The following WWP2 variants were observed in gnomAD, a reference collection of about 807,000 sequenced individuals.
WWP2 encodes NEDD4-like E3 ubiquitin-protein ligase WWP2.
Under a neutral mutation model 121.0 loss-of-function variants are expected in WWP2, and 57 were observed. That is an observed-to-expected ratio of 0.47 (90% CI 0.38 to 0.59). WWP2 has a LOEUF of 0.59. Ranked by LOEUF, WWP2 falls within the 20% of genes least tolerant of loss-of-function variation. The probability of loss-of-function intolerance (pLI) is 0.00; values close to 1 mark genes in which losing one functional copy is unlikely to be tolerated. For synonymous variants in WWP2, 449 were observed against 441.3 expected (o/e 1.02, Z -0.22); for missense variants, 962 against 1,158.9 (o/e 0.83, Z 2.47).
chr16:69,913,211 A>G (rs1222883599), intron 9 of WWP2, among the ~76,000 whole-genome samples: 2 of 124,846 alleles, frequency 1.6e-5, no homozygotes, highest in African/African-American at 3.1e-5. Context: ...TTTTTTTTTT[A>G]AAGTAGAGAT....
At position 69,791,458 on chromosome 16, in the gene WWP2, C is replaced by T. The variant is rs1043193326; in HGVS notation, c.70+4378C>T. ...GGTCAGGCTGGTCTCAAACTCCTGA[C>T]CTCAGGTGATCCACCCACCTCGGCC... On this transcript the variant is annotated intron_variant, in intron 2 of 23. Transcript: ENST00000359154. Among the ~76,000 whole-genome samples the T allele has an allele frequency of 6.6e-5, 10 of 152,246 alleles. 1 individual carries two copies. In the South Asian group the frequency reaches 2.1e-3, roughly 32 times the overall value.
At chr16:69,889,117 C>T (rs1597114564) in intron 8 of WWP2, among the ~76,000 whole-genome samples, 1 of 151,846 alleles carries the variant, frequency 6.6e-6, no homozygotes, top group East Asian at 1.9e-4. Context: ...AGTTTGAGAC[C>T]AGCCTGGGCA....
intron 8 of WWP2, among the ~76,000 whole-genome samples, chr16:69,902,098 G>C (rs1282174093): frequency 6.6e-6 from 1 of 152,224 alleles, no homozygotes. Flanking sequence ...ATGGTGATCA[G>C]AATGGTTGAA....
chr16:69,910,680 A>G (rs1310288468), intron 9 of WWP2, among the ~76,000 whole-genome samples: 2 of 152,180 alleles, frequency 1.3e-5, no homozygotes, highest in Non-Finnish European at 2.9e-5. Context: ...AAGTGCTGGG[A>G]TTACAGATGT....
chr16:69,867,313 T>C (rs901230410), intron 6 of WWP2, among the ~76,000 whole-genome samples: 8 of 152,206 alleles, frequency 5.3e-5, no homozygotes, highest in Admixed American at 4.6e-4. Context: ...CATTGTGTGC[T>C]ATGATAGAAA....
At chr16:69,787,652 G>A (rs997935081) in intron 2 of WWP2, among the ~76,000 whole-genome samples, 3 of 152,280 alleles carry the variant, frequency 2.0e-5, no homozygotes, top group Middle Eastern at 3.4e-3. Context: ...CCTAGGGCTC[G>A]TTGCTACCTG....
rs752721464 is a variant in WWP2 at position 69,937,106 on chromosome 16, C to G, written c.2118-12C>G. The G allele has an allele frequency of 3.1e-6, 5 of 1,613,664 alleles. No homozygotes were observed. The highest frequency in any genetic ancestry group is 4.2e-6 in the Non-Finnish European group (5 of 1,179,808). Reference sequence around the variant, plus strand: ...GTCTCAGACTCCACCCATGGCTGCTCTTTGGTCTCAGGCTGCTGACTGACT... The same window carrying G: ...GTCTCAGACTCCACCCATGGCTGCTGTTTGGTCTCAGGCTGCTGACTGACT... On this transcript the variant is annotated splice_polypyrimidine_tract_variant and intron_variant, in intron 19 of 23. Coordinates refer to ENST00000359154, the MANE Select transcript of WWP2 (RefSeq NM_001270454.2). The surrounding 1 kb of genome is among the most constrained non-coding windows in gnomAD (Gnocchi z 6.6).
chr16:69,880,365 G>T (rs547299550), intron 7 of WWP2, among the ~76,000 whole-genome samples: 54 of 151,880 alleles, frequency 3.6e-4, no homozygotes, highest in African/African-American at 1.3e-3. Context: ...TTTTATTACT[G>T]ATGTGTTATC....
In WWP2 at chr16:69,940,582, G is replaced by T. The variant is rs2058867182; in HGVS notation, c.*642G>T. 1 of 152,470 alleles carries T rather than the reference G, an allele frequency of 6.6e-6. No homozygotes were observed. Among genetic ancestry groups the T allele is most frequent in the Admixed American group, 6.5e-5 (1 of 15,314 alleles). 9.4% of individuals were successfully genotyped at this position (152,470 alleles called of 1,614,324 possible). A position where few individuals can be genotyped will look rare whatever the true frequency, so the allele number is the denominator to read the frequency against. On this transcript the variant is annotated 3_prime_UTR_variant, in exon 24 of 24. Transcript: ENST00000359154. ...GTCTAAGCTGCCTGGGTATCCACGG[G>T]ACAAAAACAGCAAACTCCCTCAGAC...
At chr16:69,796,605 C>T (rs1436743754) in intron 2 of WWP2, among the ~76,000 whole-genome samples, 1 of 152,222 alleles carries the variant, frequency 6.6e-6, no homozygotes, top group African/African-American at 2.4e-5. Flanking sequence ...CGCTTTCGCA[C>T]CCCTGTAAAG....
intron 7 of WWP2, among the ~76,000 whole-genome samples, chr16:69,878,566 T>C (rs1210242716): frequency 6.6e-6 from 1 of 152,198 alleles, no homozygotes; most frequent in Non-Finnish European, 1.5e-5. Flanking sequence ...CTCATTTTGT[T>C]GCCCAGGCCG....
At chr16:69,868,445 G>A (rs1415686078) in intron 6 of WWP2, among the ~76,000 whole-genome samples, 1 of 152,150 alleles carries the variant, frequency 6.6e-6, no homozygotes, top group Non-Finnish European at 1.5e-5. Context: ...CAGGGAACCC[G>A]GGGCTGGAGT....
chr16:69,816,759 A>C (rs557404818), intron 4 of WWP2, among the ~76,000 whole-genome samples: 1 of 152,144 alleles, frequency 6.6e-6, no homozygotes, highest in Non-Finnish European at 1.5e-5. Context: ...ACACGTATAC[A>C]TATACACATA....
chr16:69,787,870 A>C (rs1237563999), intron 2 of WWP2: 1 of 152,334 alleles, frequency 6.6e-6, no homozygotes, highest in Non-Finnish European at 1.5e-5. Flanking sequence ...TCAACCCATC[A>C]GCGTATCTGG....
intron 4 of WWP2, among the ~76,000 whole-genome samples, chr16:69,828,610 C>T (rs936531829): frequency 3.3e-5 from 5 of 152,162 alleles, no homozygotes; most frequent in African/African-American, 1.2e-4. Context: ...GGTGATCCGC[C>T]TGCCTTGGCC....
chr16:69,814,838 A>G (rs940966732), intron 4 of WWP2, among the ~76,000 whole-genome samples: 20 of 152,142 alleles, frequency 1.3e-4, no homozygotes, highest in African/African-American at 4.8e-4. Flanking sequence ...TAAAGTAAAC[A>G]CAGCACTGTT....
chr16:69,848,862 T>G (rs1394659710), intron 6 of WWP2, among the ~76,000 whole-genome samples: 1 of 152,176 alleles, frequency 6.6e-6, no homozygotes, highest in Non-Finnish European at 1.5e-5. Context: ...GGTCACAATC[T>G]GCATTTTAAG....
intron 1 of WWP2, among the ~76,000 whole-genome samples, chr16:69,773,283 A>G (rs1271003483): frequency 1.3e-5 from 2 of 151,498 alleles, no homozygotes; most frequent in Admixed American, 6.6e-5. Context: ...GGTTCAAGTG[A>G]TTCTCCTGCC....
chr16:69,936,615 T>G, intron 19 of WWP2, 163 bp downstream of exon 19: 1 of 1,031,358 alleles, frequency 9.7e-7, no homozygotes, highest in Non-Finnish European at 1.4e-6. Context: ...TGGCGCGAGC[T>G]GGGGGAACCA....
Sources: gnomAD v4.1 joint callset for allele counts (sites outside exome capture counted in the v4.1 genomes callset) on GRCh38, gnomAD v4.1.1 for gene constraint, Gnocchi (gnomAD v3.1) non-coding constraint, MANE v1.5 for transcripts, NCBI Gene and HGNC (gene_info 2026-07-23, HGNC 2026-07-21) for gene names.